The following PKHD1 variants were observed in gnomAD, a reference collection of about 807,000 sequenced individuals.
PKHD1 encodes PKHD1 ciliary IPT domain containing fibrocystin/polyductin, also known as fibrocystin.
In PKHD1, 291 loss-of-function variants were observed where a neutral mutation model predicts 412.0. That is an observed-to-expected ratio of 0.71 (90% CI 0.64 to 0.78). The LOEUF is 0.78. Ranked by LOEUF, PKHD1 falls within the 30% of genes least tolerant of loss-of-function variation. The pLI is 0.00. For synonymous variants in PKHD1, 1,777 were observed against 1,821.5 expected (o/e 0.98, Z 0.62); for missense variants, 4,825 against 4,950.7 (o/e 0.97, Z 0.76).
rs771594029 is a variant in PKHD1, at chr6:52,052,298, G to A, written c.2140+778C>T. Among the ~76,000 whole-genome samples the A allele has an allele frequency of 3.3e-5, 5 of 152,174 alleles. 1 individual carries two copies. The highest frequency in any genetic ancestry group is 5.9e-5 in the Non-Finnish European group (4 of 68,036). On this transcript the variant is annotated intron_variant, in intron 21 of 66. Transcript: ENST00000371117. ...GCACCATTCTGCCTTGGCTGTGGGC[G>A]CACATCACACACAGACACCTCAGCA...
chr6:51,642,717 G>A (rs887004948), intron 63 of PKHD1, among the ~76,000 whole-genome samples: 1 of 152,152 alleles, frequency 6.6e-6, no homozygotes, highest in Non-Finnish European at 1.5e-5. Context: ...GTGGGCACCT[G>A]TAATCCCAGC....
intron 27 of PKHD1, among the ~76,000 whole-genome samples, chr6:52,042,361 T>C (rs1805035362): frequency 6.6e-6 from 1 of 152,232 alleles, no homozygotes; most frequent in Admixed American, 6.5e-5. Flanking sequence ...GTTTATTCGT[T>C]AACAAACATA....
chr6:51,870,046 C>T (rs775490767), intron 47 of PKHD1, among the ~76,000 whole-genome samples: 2 of 152,070 alleles, frequency 1.3e-5, no homozygotes, highest in Non-Finnish European at 2.9e-5. Context: ...TACATCAAGC[C>T]CTGGACTGTT....
At chr6:51,696,635 A>C (rs764107017) in intron 60 of PKHD1, among the ~76,000 whole-genome samples, 9 of 152,194 alleles carry the variant, frequency 5.9e-5, no homozygotes, top group Non-Finnish European at 1.2e-4. Context: ...ATCCTGCTCT[A>C]AAATCCATGA....
chr6:51,834,036 C>T (rs1768740060), intron 51 of PKHD1, among the ~76,000 whole-genome samples: 1 of 152,132 alleles, frequency 6.6e-6, no homozygotes. Flanking sequence ...CAAATGTTGG[C>T]CTCCACACCT....
At chr6:51,783,553 T>C (rs940165152) in intron 53 of PKHD1, among the ~76,000 whole-genome samples, 1 of 151,956 alleles carries the variant, frequency 6.6e-6, no homozygotes, top group African/African-American at 2.4e-5. Flanking sequence ...TTTGGGTCAA[T>C]AACAAGTTAA....
intron 43 of PKHD1, among the ~76,000 whole-genome samples, chr6:51,897,314 C>T (rs1780255064): frequency 6.6e-6 from 1 of 151,952 alleles, no homozygotes; most frequent in Non-Finnish European, 1.5e-5. Context: ...CAGCGGATCT[C>T]TTGGCAGAAA....
chr6:51,933,970 GTTAT>G, intron 37 of PKHD1, 136 bp downstream of exon 37: 1 of 708,518 alleles, frequency 1.4e-6, no homozygotes, highest in Non-Finnish European at 2.6e-6. Context: ...AGTTTTACTT[GTTAT>G]TTAAGGAAAT....
intron 36 of PKHD1, among the ~76,000 whole-genome samples, chr6:51,950,237 A>ATATATATATATATC (rs1790154615): frequency 6.9e-6 from 1 of 145,246 alleles, no homozygotes; most frequent in Non-Finnish European, 1.5e-5. Context: ...ATATATATAT[A>ATATATATATATATC]TATGAAATAA....
intron 5 of PKHD1, among the ~76,000 whole-genome samples, chr6:52,077,694 G>C (rs748607470): frequency 3.3e-5 from 5 of 152,304 alleles, no homozygotes; most frequent in Admixed American, 3.3e-4. Context: ...TGCCATGAAG[G>C]CTAGTTTCCT....
intron 53 of PKHD1, among the ~76,000 whole-genome samples, chr6:51,780,202 A>G (rs923904816): frequency 2.6e-5 from 4 of 152,136 alleles, no homozygotes; most frequent in African/African-American, 9.7e-5. Flanking sequence ...TCTGGCCAAC[A>G]TGGTGAAACC....
Position 51,659,436 on chromosome 6 carries a change from C to T in PKHD1, c.10690G>A (p.Ala3564Thr), listed in dbSNP as rs1562041647. ...EIRSGVSIHL[A>T]LTVMVSVLEK... is the part of the protein sequence containing the mutation. The stretch of plus-strand genomic sequence containing the variant: ...AAGACTGAAACCATCACAGTGAGGG[C>T]CAAGTGAATGGAAACACCTGAGCGT... The change falls in exon 61 of 67, where the codon GCC (alanine) becomes ACC (threonine). Residue 3564 changes from alanine to threonine, a missense_variant. Ala to Thr is a moderately conservative substitution (Grantham distance 58, BLOSUM62 0). Coordinates refer to ENST00000371117, the MANE Select transcript of PKHD1 (RefSeq NM_138694.4). 2 of 1,613,620 alleles carry T rather than the reference C, an allele frequency of 1.2e-6. No homozygotes were observed. Among genetic ancestry groups the T allele is most frequent in the Non-Finnish European group, 1.7e-6 (2 of 1,179,820 alleles).
intron 36 of PKHD1, among the ~76,000 whole-genome samples, chr6:51,938,352 C>T (rs1422823431): frequency 6.6e-6 from 1 of 151,972 alleles, no homozygotes; most frequent in Non-Finnish European, 1.5e-5. Flanking sequence ...ATTTAAATGG[C>T]CTGTTCCTGC....
chr6:52,017,321 A>G, intron 34 of PKHD1, 89 bp downstream of exon 34: 1 of 972,064 alleles, frequency 1.0e-6, no homozygotes, highest in Non-Finnish European at 1.7e-6. Flanking sequence ...GCCAGGCCAC[A>G]TCCACCCAGC....
chr6:51,649,016 C>A, intron 62 of PKHD1, 69 bp downstream of exon 62: 1 of 1,479,920 alleles, frequency 6.8e-7, no homozygotes, highest in Non-Finnish European at 9.4e-7. Context: ...ATGACACACT[C>A]TAAAAGATAG....
chr6:51,869,354 A>AC (rs1775596828), intron 47 of PKHD1, among the ~76,000 whole-genome samples: 1 of 151,914 alleles, frequency 6.6e-6, no homozygotes, highest in African/African-American at 2.4e-5. Flanking sequence ...CTCTTGCCTG[A>AC]CCCCCTTCCT....
At chr6:51,720,945 G>A (rs1009530572) in intron 60 of PKHD1, 5 of 975,734 alleles carry the variant, frequency 5.1e-6, no homozygotes, top group Non-Finnish European at 6.1e-6. Context: ...ATGAGTAAAT[G>A]TCACATTGAC....
At position 51,934,214 on chromosome 6, in the gene PKHD1, T is replaced by A. The variant is rs1376030533; in HGVS notation, c.6017A>T (p.Gln2006Leu). The A allele has an allele frequency of 2.5e-6, 4 of 1,613,412 alleles. No individual in the cohort carries two copies. Among genetic ancestry groups the A allele is most frequent in the Non-Finnish European group, 3.4e-6 (4 of 1,179,372 alleles). Residue 2006 changes from glutamine to leucine, a missense_variant, in exon 37 of 67, where the codon CAA becomes CTA. Coordinates refer to ENST00000371117, the MANE Select transcript of PKHD1 (RefSeq NM_138694.4). ...GTAGAGTGTGATCTGAGCTCTGCCTTGGAAGGGCTTGTCTTCGGATCCAAT... is the reference window on the plus strand; with the variant it reads ...GTAGAGTGTGATCTGAGCTCTGCCTAGGAAGGGCTTGTCTTCGGATCCAAT... Reference protein sequence around the residue: ...LRIGSEDKPFQGRAQITLYGS... With the variant: ...LRIGSEDKPFLGRAQITLYGS...
At position 51,690,317 on chromosome 6, in the gene PKHD1, T is replaced by C. The variant is rs182199498; in HGVS notation, c.10157-30348A>G. The stretch of plus-strand genomic sequence containing the variant: ...AAAAAAAAGAACTAGGGAAAATTAT[T>C]TTTAAATGTACATGGAACCAAAAAA... On this transcript the variant is annotated intron_variant, in intron 60 of 66. Coordinates refer to ENST00000371117, the MANE Select transcript of PKHD1 (RefSeq NM_138694.4). 4.1e-3 allele frequency among the ~76,000 whole-genome samples: 608 copies of C among 148,874 alleles called. 3 individuals carry two copies. The highest frequency in any genetic ancestry group is 0.014 in the African/African-American group (570 of 40,884).
Sources: gnomAD v4.1 joint callset for allele counts (sites outside exome capture counted in the v4.1 genomes callset) on GRCh38, gnomAD v4.1.1 for gene constraint, MANE v1.5 for transcripts, NCBI Gene and HGNC (gene_info 2026-07-23, HGNC 2026-07-21) for gene names.